Variants in DLGAP2 observed in about 807,000 individuals in gnomAD.
DLGAP2 encodes DLG associated protein 2.
Under a neutral mutation model 100.3 loss-of-function variants are expected in DLGAP2, and 26 were observed. That is an observed-to-expected ratio of 0.26 (90% CI 0.19 to 0.36). DLGAP2 has a LOEUF of 0.36. Ranked by LOEUF, DLGAP2 falls within the 10% of genes least tolerant of loss-of-function variation. The pLI, the probability that DLGAP2 is intolerant of heterozygous loss-of-function variation, is 1.00. For missense variants in DLGAP2, 1,858 were observed against 1,453.2 expected (o/e 1.28, Z -4.53); for synonymous variants, 886 against 630.1 (o/e 1.41, Z -6.08).
At chr8:756,981 C>T (rs936939749) in intron 1 of DLGAP2, among the ~76,000 whole-genome samples, 1 of 152,108 alleles carries the variant, frequency 6.6e-6, no homozygotes, top group Non-Finnish European at 1.5e-5. Context: ...CTGGGGTGCC[C>T]GCAATGGGTC....
chr8:1,154,469 A>C (rs1025423899), intron 2 of DLGAP2, among the ~76,000 whole-genome samples: 1 of 152,236 alleles, frequency 6.6e-6, no homozygotes, highest in Non-Finnish European at 1.5e-5. Context: ...TGTGCATATT[A>C]ATGATTTCCC....
chr8:1,481,581 T>A (rs1012438452), intron 3 of DLGAP2, among the ~76,000 whole-genome samples: 6 of 141,254 alleles, frequency 4.2e-5, no homozygotes, highest in Non-Finnish European at 6.0e-5. Context: ...CAGGTTGAAG[T>A]GATTCTACTG....
intron 4 of DLGAP2, among the ~76,000 whole-genome samples, chr8:1,515,801 C>T (rs1213261001): frequency 6.6e-6 from 1 of 152,246 alleles, no homozygotes; most frequent in Non-Finnish European, 1.5e-5. Context: ...CTGTCTGCCC[C>T]TCCAGTCTGT....
chr8:905,455 C>G (rs1215114107), intron 1 of DLGAP2, among the ~76,000 whole-genome samples: 3 of 152,158 alleles, frequency 2.0e-5, no homozygotes. Flanking sequence ...GCGATTCCCC[C>G]CCCACAGCCC....
chr8:883,193 C>A (rs1797846153), intron 1 of DLGAP2: 1 of 152,448 alleles, frequency 6.6e-6, no homozygotes, highest in Non-Finnish European at 1.5e-5. Flanking sequence ...CGTGCTGTAC[C>A]CACCACTGGG....
intron 2 of DLGAP2, among the ~76,000 whole-genome samples, chr8:915,826 C>T (rs1484730516): frequency 1.1e-5 from 1 of 90,106 alleles, no homozygotes; most frequent in African/African-American, 4.3e-5. Flanking sequence ...TAGACTCTCC[C>T]CACTCTCTTT....
Position 1,119,434 on chromosome 8 carries a change from C to T in DLGAP2, c.74-139417C>T, listed in dbSNP as rs557571653. On this transcript the variant is annotated intron_variant, in intron 2 of 14. Coordinates refer to ENST00000637795, the MANE Select transcript of DLGAP2 (RefSeq NM_001346810.2). ...TGAGTGCTGGTTTTATTCCATGACA[C>T]CAAGAACATTGCTTAACTTCTGTAC... Among the ~76,000 whole-genome samples, 5 of 152,304 alleles carry T rather than the reference C, an allele frequency of 3.3e-5. No individual in the cohort carries two copies. The South Asian group carries it at 1.0e-3, about 32-fold the overall frequency.
At chr8:1,095,370 G>A (rs1012648454) in intron 2 of DLGAP2, among the ~76,000 whole-genome samples, 2 of 152,166 alleles carry the variant, frequency 1.3e-5, no homozygotes, top group Admixed American at 1.3e-4. Flanking sequence ...TCCCACCCCT[G>A]TCCGCAGCAG....
At chr8:1,131,614 C>T (rs1204359360) in intron 2 of DLGAP2, among the ~76,000 whole-genome samples, 1 of 152,058 alleles carries the variant, frequency 6.6e-6, no homozygotes, top group Admixed American at 6.5e-5. Context: ...CGAACACCTG[C>T]TCCATACAGT....
chr8:1,325,350 G>A (rs1800996794), intron 3 of DLGAP2, among the ~76,000 whole-genome samples: 1 of 152,186 alleles, frequency 6.6e-6, no homozygotes, highest in East Asian at 1.9e-4. Flanking sequence ...TGTGTGTCCA[G>A]CCATCTGCCT....
intron 2 of DLGAP2, among the ~76,000 whole-genome samples, chr8:909,726 A>G (rs925748301): frequency 5.9e-5 from 9 of 152,204 alleles, no homozygotes; most frequent in African/African-American, 2.2e-4. Flanking sequence ...GGATAAGGGA[A>G]GGAGTGGCTC....
intron 2 of DLGAP2, among the ~76,000 whole-genome samples, chr8:1,011,664 A>T (rs1380721816): frequency 1.8e-5 from 2 of 112,486 alleles, no homozygotes; most frequent in Non-Finnish European, 3.8e-5. Context: ...TGAGCCCTGG[A>T]ATGAGGAGTC....
chr8:1,102,417 A>T (rs1053800664), intron 2 of DLGAP2, among the ~76,000 whole-genome samples: 1 of 150,742 alleles, frequency 6.6e-6, no homozygotes, highest in African/African-American at 2.4e-5. Flanking sequence ...AGCTGTCTCG[A>T]GTCACTCAGT....
intron 3 of DLGAP2, among the ~76,000 whole-genome samples, chr8:1,428,879 C>T (rs1457289517): frequency 6.6e-6 from 1 of 152,232 alleles, no homozygotes; most frequent in African/African-American, 2.4e-5. Flanking sequence ...AGGTGACTCC[C>T]ATGCACAGGA....
chr8:748,162 G>C (rs538913936), intron 1 of DLGAP2, among the ~76,000 whole-genome samples: 11 of 48,222 alleles, frequency 2.3e-4, no homozygotes, highest in African/African-American at 8.0e-4. Flanking sequence ...GGATGGGCGG[G>C]TCTGCGGTGG....
chr8:931,317 C>T (rs923655895), intron 2 of DLGAP2, among the ~76,000 whole-genome samples: 4 of 152,208 alleles, frequency 2.6e-5, no homozygotes, highest in South Asian at 2.1e-4. Flanking sequence ...GGGTCTCCCA[C>T]GCTGAGGGAG....
intron 3 of DLGAP2, among the ~76,000 whole-genome samples, chr8:1,316,613 T>C (rs1204981645): frequency 3.5e-5 from 5 of 142,534 alleles, no homozygotes; most frequent in African/African-American, 1.3e-4. Context: ...CGTTTAAAAA[T>C]AGAGCGTGTG....
At chr8:882,106 G>T (rs1398131759) in intron 1 of DLGAP2, among the ~76,000 whole-genome samples, 1 of 152,220 alleles carries the variant, frequency 6.6e-6, no homozygotes, top group Non-Finnish European at 1.5e-5. Context: ...GTAAATACTT[G>T]AAATGGCTCC....
chr8:1,353,089 C>A (rs905298149), intron 3 of DLGAP2, among the ~76,000 whole-genome samples: 2 of 152,010 alleles, frequency 1.3e-5, no homozygotes, highest in Non-Finnish European at 2.9e-5. Flanking sequence ...GACGAAGGAC[C>A]CCCCCGAGGT....
Sources: gnomAD v4.1 joint callset for allele counts (sites outside exome capture counted in the v4.1 genomes callset) on GRCh38, gnomAD v4.1.1 for gene constraint, MANE v1.5 for transcripts, NCBI Gene and HGNC (gene_info 2026-07-23, HGNC 2026-07-21) for gene names.